The following CELF2 variants were observed in gnomAD, a reference collection of about 807,000 sequenced individuals.
CELF2 encodes CUG triplet repeat RNA-binding protein 2.
Under a neutral mutation model 62.6 loss-of-function variants are expected in CELF2, and 8 were observed. That is an observed-to-expected ratio of 0.13 (90% CI 0.07 to 0.23). The LOEUF (loss-of-function observed/expected upper bound fraction) is 0.23. CELF2 is among the 10% of genes least tolerant of loss of function. CELF2 has a pLI of 1.00. For synonymous variants in CELF2, 258 were observed against 250.0 expected, an observed-to-expected ratio of 1.03 and a Z score of -0.30; for missense variants, 333 against 671.0, an observed-to-expected ratio of 0.50 and a Z score of 5.56.
At chr10:10,781,171 A>G in the CELF2 span, among the ~76,000 whole-genome samples, 1 of 152,214 alleles carries the variant, frequency 6.6e-6, no homozygotes, top group South Asian at 2.1e-4. Flanking sequence ...ACATAATGGC[A>G]TTTTGGTCAA....
chr10:10,798,582 C>A, upstream of CELF2: 1 of 394,390 alleles, frequency 2.5e-6, no homozygotes, highest in Non-Finnish European at 4.5e-6. Flanking sequence ...GGGTGTGGGA[C>A]GGAGGAGAGC....
chr10:11,052,737 A>G (rs1391684596), intron 1 of CELF2, among the ~76,000 whole-genome samples: 1 of 152,084 alleles, frequency 6.6e-6, no homozygotes, highest in Non-Finnish European at 1.5e-5. Flanking sequence ...ATCTTGTTTG[A>G]TCCAAGCAGT....
intron 2 of CELF2, among the ~76,000 whole-genome samples, chr10:10,932,439 G>A (rs1418181481): frequency 6.6e-6 from 1 of 152,148 alleles, no homozygotes; most frequent in Non-Finnish European, 1.5e-5. Flanking sequence ...TGAAGTGATA[G>A]ATATTTAATT....
At chr10:10,519,477 A>G in the CELF2 span, among the ~76,000 whole-genome samples, 1 of 152,164 alleles carries the variant, frequency 6.6e-6, no homozygotes, top group Non-Finnish European at 1.5e-5. Flanking sequence ...AAGCTTTGGA[A>G]CCTCACAAGT....
intron 2 of CELF2, among the ~76,000 whole-genome samples, chr10:10,971,667 A>G (rs1269753365): frequency 6.6e-6 from 1 of 152,106 alleles, no homozygotes; most frequent in Non-Finnish European, 1.5e-5. Flanking sequence ...GTTCACTACA[A>G]ACTGTGCCTC....
rs2096071029 is a variant in CELF2, at chr10:11,333,756, TTTGTTTTA to T, written c.*4707_*4714del. The T allele has an allele frequency of 6.6e-6, 1 of 152,590 alleles. No individual in the cohort carries two copies. Among genetic ancestry groups the T allele is most frequent in the Admixed American group, 6.5e-5 (1 of 15,286 alleles). 9.5% of individuals were successfully genotyped at this position (152,590 alleles called of 1,614,324 possible). On this transcript the variant is annotated 3_prime_UTR_variant, in exon 13 of 13. Transcript: ENST00000633077. ...AAACTGTAAGACCATTTGAGTATTGTTTGTTTTATTGATGCATTTGGATTTTGTTGTTT... is the reference window on the plus strand; with the variant it reads ...AAACTGTAAGACCATTTGAGTATTGTTTGATGCATTTGGATTTTGTTGTTT...
At chr10:10,661,369 C>T in the CELF2 span, among the ~76,000 whole-genome samples, 1 of 152,134 alleles carries the variant, frequency 6.6e-6, no homozygotes, top group South Asian at 2.1e-4. Flanking sequence ...GAGTTGGATT[C>T]GGTTTTATAA....
At chr10:10,710,996 T>C in the CELF2 span, among the ~76,000 whole-genome samples, 1 of 152,206 alleles carries the variant, frequency 6.6e-6, no homozygotes, top group Non-Finnish European at 1.5e-5. Flanking sequence ...AATCAGAGTT[T>C]CTTAACCTTG....
the CELF2 span, among the ~76,000 whole-genome samples, chr10:10,744,270 C>T: frequency 4.6e-5 from 7 of 152,164 alleles, no homozygotes; most frequent in Non-Finnish European, 1.0e-4. Flanking sequence ...ATTTCGCATC[C>T]TAAATCATTC....
At chr10:11,160,797 CTT>C (rs2065550077) in intron 1 of CELF2, among the ~76,000 whole-genome samples, 1 of 151,936 alleles carries the variant, frequency 6.6e-6, no homozygotes, top group Non-Finnish European at 1.5e-5. Context: ...CATTTTATGT[CTT>C]TTAGCATTCG....
chr10:11,289,001 C>T (rs1476194969), intron 9 of CELF2, among the ~76,000 whole-genome samples: 1 of 152,168 alleles, frequency 6.6e-6, no homozygotes, highest in Admixed American at 6.6e-5. Flanking sequence ...TTTTAAAATC[C>T]ACGGTCCAGT....
At chr10:10,815,906 T>TG (rs888752343) in intron 1 of CELF2, among the ~76,000 whole-genome samples, 17 of 147,806 alleles carry the variant, frequency 1.2e-4, no homozygotes, top group African/African-American at 3.7e-4. Context: ...TTTGGGTTGT[T>TG]TTTTTTTTTT....
chr10:10,563,199 C>T, the CELF2 span, among the ~76,000 whole-genome samples: 22,690 of 152,094 alleles, frequency 0.15, 1,893 homozygotes, highest in East Asian at 0.33. Context: ...CGTTTTCTGT[C>T]TCTACTGACG....
At chr10:10,475,485 A>T in the CELF2 span, among the ~76,000 whole-genome samples, 2 of 152,052 alleles carry the variant, frequency 1.3e-5, no homozygotes, top group Non-Finnish European at 2.9e-5. Context: ...TCAAAAAAAA[A>T]AAAAAAGTAA....
Position 11,247,325 on chromosome 10 carries a change from TGA to T in CELF2, c.355-1824_355-1823del, listed in dbSNP as rs1460964527. 1.3e-5 allele frequency among the ~76,000 whole-genome samples: 2 copies of T among 152,190 alleles called. No homozygotes were observed. The highest frequency in any genetic ancestry group is 2.9e-5 in the Non-Finnish European group (2 of 68,028). ...CCATGCTCACACTGGGAGCTCCCTG[TGA>T]GAGGGAACTGTCACCCTTCCACTTC... On this transcript the variant is annotated intron_variant, in intron 3 of 12. Transcript: ENST00000633077. This position sits in a 1 kb window ranked among gnomAD's most constrained non-coding sequence, Gnocchi z 5.4.
chr10:11,166,824 C>G (rs1404761630), intron 2 of CELF2, among the ~76,000 whole-genome samples: 1 of 152,252 alleles, frequency 6.6e-6, no homozygotes, highest in Non-Finnish European at 1.5e-5. Context: ...ACTAGGAAAT[C>G]TTTAAGACTG....
intron 1 of CELF2, among the ~76,000 whole-genome samples, chr10:11,121,116 C>T (rs543665661): frequency 1.3e-5 from 2 of 152,302 alleles, no homozygotes; most frequent in Admixed American, 6.5e-5. Flanking sequence ...TAAGTCTACA[C>T]AATTGGACTT....
At chr10:11,182,139 C>T (rs892087508) in intron 2 of CELF2, among the ~76,000 whole-genome samples, 1 of 152,216 alleles carries the variant, frequency 6.6e-6, no homozygotes, top group East Asian at 1.9e-4. Context: ...CTCTGAGCAG[C>T]GTGCTCACCT....
chr10:10,735,081 T>C, the CELF2 span, among the ~76,000 whole-genome samples: 4 of 152,162 alleles, frequency 2.6e-5, no homozygotes, highest in Non-Finnish European at 4.4e-5. Flanking sequence ...ACATATAAAA[T>C]AGGGTTACTT....
Sources: allele counts gnomAD v4.1 joint callset (sites outside exome capture counted in the v4.1 genomes callset), GRCh38; gene constraint gnomAD v4.1.1; non-coding constraint Gnocchi (gnomAD v3.1); transcripts MANE v1.5; gene names NCBI Gene and HGNC (gene_info 2026-07-23, HGNC 2026-07-21).